The following CAMKMT variants were observed in gnomAD, a reference collection of about 807,000 sequenced individuals.
CAMKMT encodes the protein calmodulin-lysine N-methyltransferase.
A neutral mutation model predicts 48.0 loss-of-function variants in CAMKMT; 53 were observed. That is an observed-to-expected ratio of 1.10 (90% CI 0.89 to 1.39). The LOEUF is 1.39. Ranked by LOEUF, CAMKMT falls within the 40% of genes most tolerant of loss-of-function variation. The pLI is 0.00. For synonymous variants in CAMKMT, 165 were observed against 152.3 expected (o/e 1.08, Z -0.61); for missense variants, 428 against 402.7 (o/e 1.06, Z -0.54).
intron 3 of CAMKMT, among the ~76,000 whole-genome samples, chr2:44,465,568 CAA>C (rs56885024): frequency 3.7e-5 from 5 of 133,380 alleles, no homozygotes; most frequent in Non-Finnish European, 1.6e-5. Flanking sequence ...TGTACTCTGT[CAA>C]AAAAAAAAAA....
chr2:44,630,463 C>T (rs34284586), intron 3 of CAMKMT, among the ~76,000 whole-genome samples: 74,709 of 141,422 alleles, frequency 0.53, 20,609 homozygotes, highest in Middle Eastern at 0.64. Flanking sequence ...ACAGGCAACC[C>T]ACAAAATGGG....
At chr2:44,606,072 G>A (rs182690470) in intron 3 of CAMKMT, among the ~76,000 whole-genome samples, 83 of 152,226 alleles carry the variant, frequency 5.5e-4, no homozygotes, top group Admixed American at 2.9e-3. Context: ...CTCCAGGAAC[G>A]TCAGTTAAAT....
chr2:44,513,628 G>A lies in CAMKMT; in HGVS notation c.376+123323G>A, dbSNP rs559449127. ...GGGACCATAGGCCAGTTCCAAATGC[G>A]CCTTCTTCTAATCATAGCCCACAGA... On this transcript the variant is annotated intron_variant, in intron 3 of 10. Coordinates refer to ENST00000378494, the MANE Select transcript of CAMKMT (RefSeq NM_024766.5). 2.7e-3 allele frequency among the ~76,000 whole-genome samples: 418 copies of A among 152,216 alleles called. 1 individual carries two copies. Among genetic ancestry groups the A allele is most frequent in the African/African-American group, 9.6e-3 (397 of 41,552 alleles).
At chr2:44,446,291 G>A (rs772702973) in intron 3 of CAMKMT, among the ~76,000 whole-genome samples, 8 of 152,006 alleles carry the variant, frequency 5.3e-5, no homozygotes, top group African/African-American at 7.2e-5. Flanking sequence ...GTTCAGTTGC[G>A]TTGATTATTC....
intron 3 of CAMKMT, among the ~76,000 whole-genome samples, chr2:44,630,067 A>T (rs1189383622): frequency 6.6e-6 from 1 of 151,460 alleles, no homozygotes; most frequent in African/African-American, 2.4e-5. Flanking sequence ...AATGGAACAG[A>T]ACAGAGCCCT....
chr2:44,434,262 GA>G (rs1281133834), intron 3 of CAMKMT, among the ~76,000 whole-genome samples: 7 of 150,914 alleles, frequency 4.6e-5, no homozygotes, highest in Admixed American at 4.6e-4. Context: ...GGTTTCCATT[GA>G]TAGAATATTT....
At chr2:44,503,543 T>G (rs945771059) in intron 3 of CAMKMT, among the ~76,000 whole-genome samples, 2 of 152,162 alleles carry the variant, frequency 1.3e-5, no homozygotes, top group Non-Finnish European at 2.9e-5. Flanking sequence ...ACTTTGGTGA[T>G]AAAAGGGAAG....
intron 2 of CAMKMT, among the ~76,000 whole-genome samples, chr2:44,376,000 C>G (rs990385213): frequency 1.3e-5 from 2 of 150,594 alleles, no homozygotes; most frequent in African/African-American, 4.9e-5. Context: ...GTTGGGCAGG[C>G]TGGTTTTGAA....
intron 3 of CAMKMT, among the ~76,000 whole-genome samples, chr2:44,607,038 C>G (rs1222067410): frequency 6.6e-6 from 1 of 152,176 alleles, no homozygotes; most frequent in Non-Finnish European, 1.5e-5. Context: ...TCTAACTGCA[C>G]TATTCTATGG....
At chr2:44,469,649 C>T (rs1572587170) in intron 3 of CAMKMT, among the ~76,000 whole-genome samples, 1 of 151,936 alleles carries the variant, frequency 6.6e-6, no homozygotes, top group Admixed American at 6.6e-5. Flanking sequence ...TGTTAAAATG[C>T]ACCTATCACA....
chr2:44,490,401 G>A (rs1669435780), intron 3 of CAMKMT, among the ~76,000 whole-genome samples: 1 of 152,066 alleles, frequency 6.6e-6, no homozygotes, highest in Admixed American at 6.6e-5. Flanking sequence ...TCAGCCTCCT[G>A]AGTAGCTGGG....
intron 3 of CAMKMT, among the ~76,000 whole-genome samples, chr2:44,442,980 G>A (rs1432155251): frequency 6.6e-6 from 1 of 152,126 alleles, no homozygotes; most frequent in Non-Finnish European, 1.5e-5. Context: ...CTTTTCTTTT[G>A]TGCTGCTTTT....
At chr2:44,393,979 A>G (rs765359594) in intron 3 of CAMKMT, among the ~76,000 whole-genome samples, 3 of 152,222 alleles carry the variant, frequency 2.0e-5, no homozygotes, top group Non-Finnish European at 4.4e-5. Context: ...TGGATACCAT[A>G]GTATCTAATT....
In CAMKMT at chr2:44,695,905, C is replaced by CAA. The variant is rs112927433; in HGVS notation, c.377-8366_377-8365dup. On this transcript the variant is annotated intron_variant, in intron 3 of 10. Transcript: ENST00000378494. Reference sequence around the variant, plus strand: ...CAGCCAACCTCTGATCCAAAATATTCAAAAAAAAAAAAAGACTAAAAATAA... The same window carrying CAA: ...CAGCCAACCTCTGATCCAAAATATTCAAAAAAAAAAAAAAAGACTAAAAATAA... Among the ~76,000 whole-genome samples the CAA allele has an allele frequency of 3.2e-5, 4 of 124,108 alleles. No individual in the cohort carries two copies. The South Asian group carries it at 7.6e-4, about 24-fold the overall frequency. The allele number at this position is 124,108 out of a possible 152,430, so 81.4% of individuals were successfully genotyped here. A position where few individuals can be genotyped will look rare whatever the true frequency, so the allele number is the denominator to read the frequency against.
intron 3 of CAMKMT, among the ~76,000 whole-genome samples, chr2:44,452,413 T>A (rs1667340669): frequency 6.6e-6 from 1 of 152,052 alleles, no homozygotes; most frequent in Non-Finnish European, 1.5e-5. Flanking sequence ...TCTTACTGTC[T>A]TCATTCAACT....
At chr2:44,483,400 C>G (rs528629925) in intron 3 of CAMKMT, among the ~76,000 whole-genome samples, 3 of 152,040 alleles carry the variant, frequency 2.0e-5, no homozygotes, top group Non-Finnish European at 4.4e-5. Flanking sequence ...TCATTTTAGT[C>G]TAATGGACTT....
intron 3 of CAMKMT, among the ~76,000 whole-genome samples, chr2:44,542,529 ACACACACACTCT>A (rs1189971513): frequency 1.9e-3 from 118 of 62,776 alleles, no homozygotes; most frequent in Middle Eastern, 7.9e-3. Flanking sequence ...ACACACACAC[ACACACACACTCT>A]CTCTCTCTCT....
chr2:44,546,765 A>C (rs1357157741), intron 3 of CAMKMT, among the ~76,000 whole-genome samples: 1 of 152,238 alleles, frequency 6.6e-6, no homozygotes, highest in African/African-American at 2.4e-5. Flanking sequence ...TCTGTGACAG[A>C]GAGCACTTAA....
chr2:44,524,578 C>T (rs189951725), intron 3 of CAMKMT, among the ~76,000 whole-genome samples: 1 of 150,220 alleles, frequency 6.7e-6, no homozygotes, highest in East Asian at 2.0e-4. Context: ...TTCCTCTTCC[C>T]TCATCTTCAT....
Sources: allele counts gnomAD v4.1 joint callset (sites outside exome capture counted in the v4.1 genomes callset), GRCh38; gene constraint gnomAD v4.1.1; transcripts MANE v1.5; gene names NCBI Gene and HGNC (gene_info 2026-07-23, HGNC 2026-07-21).